Variants in ABCC4 observed in about 807,000 individuals in gnomAD.
ABCC4 encodes ATP-binding cassette sub-family C member 4.
A neutral mutation model predicts 168.5 loss-of-function variants in ABCC4; 102 were observed. The observed-to-expected ratio is 0.61, with a 90% CI of 0.52 to 0.71. The LOEUF (loss-of-function observed/expected upper bound fraction) is 0.71. ABCC4 is among the 30% of genes least tolerant of loss of function. The pLI is 0.00. For synonymous variants in ABCC4, 617 were observed against 590.7 expected, an observed-to-expected ratio of 1.04 and a Z score of -0.65; for missense variants, 1,402 against 1,605.8, an observed-to-expected ratio of 0.87 and a Z score of 2.17.
At chr13:95,022,577 T>C (rs976515304) in intron 30 of ABCC4, among the ~76,000 whole-genome samples, 1 of 152,218 alleles carries the variant, frequency 6.6e-6, no homozygotes, top group African/African-American at 2.4e-5. Flanking sequence ...GAAAAAGGAC[T>C]TCAAATGTAA....
At chr13:95,132,987 G>A (rs2036023220) in intron 19 of ABCC4, among the ~76,000 whole-genome samples, 1 of 151,994 alleles carries the variant, frequency 6.6e-6, no homozygotes, top group South Asian at 2.1e-4. Context: ...TTCAGGAGAT[G>A]GAGGATGGTG....
chr13:95,263,348 T>C (rs2040584220), intron 1 of ABCC4, among the ~76,000 whole-genome samples: 2 of 152,196 alleles, frequency 1.3e-5, no homozygotes, highest in African/African-American at 4.8e-5. Context: ...TCACTAGTCC[T>C]GTGTTTGTGG....
At chr13:95,027,164 G>A (rs2031589856) in intron 30 of ABCC4, among the ~76,000 whole-genome samples, 1 of 152,126 alleles carries the variant, frequency 6.6e-6, no homozygotes, top group South Asian at 2.1e-4. Context: ...TTAAATCAGA[G>A]GGGTAACAAA....
chr13:95,192,631 A>G (rs1263282768), intron 9 of ABCC4, among the ~76,000 whole-genome samples: 2 of 152,110 alleles, frequency 1.3e-5, no homozygotes, highest in Non-Finnish European at 2.9e-5. Context: ...CTTGAAGTGT[A>G]TTAGAGCTGG....
At chr13:95,232,365 GA>G (rs1312772590) in intron 4 of ABCC4, among the ~76,000 whole-genome samples, 1 of 152,088 alleles carries the variant, frequency 6.6e-6, no homozygotes, top group Admixed American at 6.6e-5. Flanking sequence ...AAGTGACAAC[GA>G]GGTCAAAGAA....
At chr13:95,025,209 C>T (rs1482867519) in intron 30 of ABCC4, among the ~76,000 whole-genome samples, 1 of 60,870 alleles carries the variant, frequency 1.6e-5, no homozygotes, top group East Asian at 4.8e-4. Flanking sequence ...CACCCCCACA[C>T]CCCCCACACA....
At chr13:95,073,175 A>G in intron 24 of ABCC4, 29 bp downstream of exon 24, 1 of 1,568,606 alleles carries the variant, frequency 6.4e-7, no homozygotes, top group Non-Finnish European at 8.8e-7. Flanking sequence ...GGAGATTGAA[A>G]AGGCAAAGAA....
chr13:95,285,058 T>A (rs2041226244), intron 1 of ABCC4, among the ~76,000 whole-genome samples: 1 of 151,920 alleles, frequency 6.6e-6, no homozygotes, highest in Non-Finnish European at 1.5e-5. Flanking sequence ...CCAGCCTGGA[T>A]AACATAGTGA....
At chr13:95,224,543 C>T (rs2138723812) in intron 4 of ABCC4, among the ~76,000 whole-genome samples, 1 of 152,186 alleles carries the variant, frequency 6.6e-6, no homozygotes, top group African/African-American at 2.4e-5. Flanking sequence ...TCAAGACCAG[C>T]CTGGGTAACA....
At chr13:95,160,998 C>T (rs542935950) in intron 19 of ABCC4, among the ~76,000 whole-genome samples, 191 bp downstream of exon 19, 3 of 149,910 alleles carry the variant, frequency 2.0e-5, no homozygotes, top group Non-Finnish European at 1.5e-5. Context: ...TATGCCCCCC[C>T]CTCCCCCCGC....
chr13:95,074,053 C>T (rs979578661), intron 23 of ABCC4, among the ~76,000 whole-genome samples, 161 bp downstream of exon 23: 1 of 152,220 alleles, frequency 6.6e-6, no homozygotes, highest in Non-Finnish European at 1.5e-5. Context: ...ATGAGTCACA[C>T]TGCTGAATCC....
chr13:95,213,625 C>T (rs1428930296), intron 4 of ABCC4, among the ~76,000 whole-genome samples: 1 of 40,332 alleles, frequency 2.5e-5, no homozygotes, highest in East Asian at 3.7e-4. Flanking sequence ...AGGAAATCTC[C>T]ACTGGGCCTC....
At chr13:95,227,484 A>G (rs2138734334) in intron 4 of ABCC4, among the ~76,000 whole-genome samples, 1 of 152,332 alleles carries the variant, frequency 6.6e-6, no homozygotes, top group African/African-American at 2.4e-5. Context: ...TAATTTTGTC[A>G]GAAACTTAGA....
intron 1 of ABCC4, among the ~76,000 whole-genome samples, chr13:95,274,237 A>G (rs2040915800): frequency 6.6e-6 from 1 of 152,048 alleles, no homozygotes; most frequent in Non-Finnish European, 1.5e-5. Flanking sequence ...GGGCCTTTGT[A>G]CTGTTTATAT....
At chr13:95,240,117 C>T (rs185397043) in intron 3 of ABCC4, among the ~76,000 whole-genome samples, 60 of 152,254 alleles carry the variant, frequency 3.9e-4, no homozygotes, top group African/African-American at 1.3e-3. Context: ...CTTCTGGTAC[C>T]AGATGGACAT....
At chr13:95,208,006 C>T in intron 6 of ABCC4, 81 bp from the exon 7 acceptor site, 1 of 1,513,572 alleles carries the variant, frequency 6.6e-7, no homozygotes, top group Admixed American at 2.2e-5. Context: ...CAGGGACCTG[C>T]ATCACATGGT....
At chr13:95,071,563 G>C (rs548285040) in intron 25 of ABCC4, 99 bp downstream of exon 25, 60 of 1,051,736 alleles carry the variant, frequency 5.7e-5, no homozygotes, top group Non-Finnish European at 7.4e-5. Flanking sequence ...GTTAACCTAC[G>C]TATCACTGAT....
intron 25 of ABCC4, among the ~76,000 whole-genome samples, chr13:95,069,522 T>C (rs2033656752): frequency 6.6e-6 from 1 of 152,198 alleles, no homozygotes; most frequent in African/African-American, 2.4e-5. Context: ...ATTAAATACA[T>C]TCATGTTGTT....
intron 1 of ABCC4, among the ~76,000 whole-genome samples, chr13:95,271,145 C>T (rs9590229): frequency 0.36 from 55,332 of 151,780 alleles, 11,681 homozygotes; most frequent in African/African-American, 0.59. Flanking sequence ...ACACCCAAGA[C>T]GACCCAAGAA....
Sources: gnomAD v4.1 joint callset for allele counts (sites outside exome capture counted in the v4.1 genomes callset) on GRCh38, gnomAD v4.1.1 for gene constraint, MANE v1.5 for transcripts, NCBI Gene and HGNC (gene_info 2026-07-23, HGNC 2026-07-21) for gene names.